The following FAT3 variants were observed in gnomAD, a reference collection of about 807,000 sequenced individuals.
FAT3 encodes the protein FAT atypical cadherin 3, also known as protocadherin Fat 3.
Under a neutral mutation model 310.2 loss-of-function variants are expected in FAT3, and 95 were observed. That is an observed-to-expected ratio of 0.31 (90% CI 0.26 to 0.36). The LOEUF is 0.36. Ranked by LOEUF, FAT3 falls within the 10% of genes least tolerant of loss-of-function variation. FAT3 has a pLI of 1.00. For synonymous variants in FAT3, 2,314 were observed against 2,192.9 expected (o/e 1.06, Z -1.54); for missense variants, 5,408 against 5,715.6 (o/e 0.95, Z 1.74).
chr11:92,330,993 TGTGTGTGTGTGAGA>T (rs1325106084), intron 1 of FAT3, among the ~76,000 whole-genome samples: 30 of 125,426 alleles, frequency 2.4e-4, no homozygotes, highest in African/African-American at 1.3e-3. Context: ...TGTGTGTGTG[TGTGTGTGTGTGAGA>T]GAGAGAGAGA....
At position 92,354,093 on chromosome 11, in the gene FAT3, CT is replaced by C; in HGVS notation, c.1983del (p.Ala662GlnfsTer45). The C allele has an allele frequency of 6.2e-7, 1 of 1,613,714 alleles. No homozygotes were observed. Among genetic ancestry groups the C allele is most frequent in the Non-Finnish European group, 8.5e-7 (1 of 1,179,788 alleles). ...AATTACAGCAACTGATGGAGAGAAT[CT>C]TGCAGACCCCATGTCTATTAACATT... ...LRITATDGEN[L>X]ADPMSINISV... On this transcript the variant is annotated frameshift_variant, in exon 2 of 28. Coordinates refer to ENST00000525166, the MANE Select transcript of FAT3 (RefSeq NM_001367949.2). LOFTEE classifies it high-confidence loss of function.
intron 13 of FAT3, 56 bp downstream of exon 13, chr11:92,810,132 C>A: frequency 1.3e-6 from 2 of 1,487,246 alleles, no homozygotes; most frequent in South Asian, 1.2e-5. Context: ...TCTTCAGGTG[C>A]TGCCATTCCT....
intron 2 of FAT3, among the ~76,000 whole-genome samples, chr11:92,357,169 A>G (rs977737230): frequency 3.3e-5 from 5 of 152,198 alleles, no homozygotes; most frequent in African/African-American, 1.2e-4. Flanking sequence ...TACTAATAAC[A>G]ATGAGTTCAT....
intron 3 of FAT3, among the ~76,000 whole-genome samples, chr11:92,553,726 T>TTC: frequency 6.7e-6 from 1 of 149,690 alleles, no homozygotes; most frequent in Non-Finnish European, 1.5e-5. Flanking sequence ...CCTTCCTTTT[T>TTC]CGTTGTTTCT....
intron 13 of FAT3, among the ~76,000 whole-genome samples, chr11:92,817,961 C>G (rs1408165650): frequency 6.6e-6 from 1 of 152,192 alleles, no homozygotes; most frequent in Non-Finnish European, 1.5e-5. Flanking sequence ...GATGCTGCAA[C>G]TCTAGTGGAA....
intron 2 of FAT3, among the ~76,000 whole-genome samples, chr11:92,497,807 C>A (rs1020017203): frequency 4.6e-5 from 7 of 152,014 alleles, no homozygotes; most frequent in African/African-American, 1.7e-4. Flanking sequence ...TACAGCCCAG[C>A]AATTAGATGG....
chr11:92,604,335 T>C (rs111727998), intron 3 of FAT3, among the ~76,000 whole-genome samples: 16 of 152,338 alleles, frequency 1.1e-4, no homozygotes, highest in African/African-American at 3.4e-4. Context: ...TGGAATAACC[T>C]TATAAACTTA....
At chr11:92,725,121 A>G (rs901784733) in intron 4 of FAT3, among the ~76,000 whole-genome samples, 2 of 152,224 alleles carry the variant, frequency 1.3e-5, no homozygotes, top group African/African-American at 4.8e-5. Flanking sequence ...CTGGTAAGCT[A>G]CCTACCAAAA....
In FAT3 at chr11:92,777,380, G is replaced by T. The variant is rs192187154; in HGVS notation, c.4335+3200G>T. ...TGTCCTATTCTCCCAACTCTCACAG[G>T]ATTCATGTGCCTCAGAGCTACAATA... On this transcript the variant is annotated intron_variant, in intron 7 of 27. Coordinates refer to ENST00000525166, the MANE Select transcript of FAT3 (RefSeq NM_001367949.2). Among the ~76,000 whole-genome samples, 5 of 152,186 alleles carry T rather than the reference G, an allele frequency of 3.3e-5. No individual in the cohort carries two copies. The East Asian group carries it at 7.7e-4, about 24-fold the overall frequency.
chr11:92,516,896 C>T (rs986497847), intron 2 of FAT3, among the ~76,000 whole-genome samples: 4 of 152,002 alleles, frequency 2.6e-5, no homozygotes, highest in Non-Finnish European at 4.4e-5. Flanking sequence ...ACAATTACTA[C>T]AAAGAGAATA....
Position 92,890,837 on chromosome 11 carries a change from A to G in FAT3, c.13494A>G (p.Pro4498=), listed in dbSNP as rs1285401254. 1.2e-6 allele frequency: 2 copies of G among 1,612,730 alleles called. No homozygotes were observed. Among genetic ancestry groups the G allele is most frequent in the South Asian group, 1.1e-5 (1 of 91,028 alleles). The change falls in exon 28 of 28, where the codon CCA becomes CCG. Residue 4498 remains proline (P), a synonymous_variant. Transcript: ENST00000525166. The stretch of plus-strand genomic sequence containing the variant: ...CTAGCCAGTATCTCCCTCCTCACCC[A>G]TTCCCCAACGAAACGGATTTGGTGG... ...FHPSQYLPPH[P]FPNETDLVGP... is the part of the protein sequence containing the mutation.
At chr11:92,432,621 C>T (rs905218512) in intron 2 of FAT3, among the ~76,000 whole-genome samples, 4 of 152,182 alleles carry the variant, frequency 2.6e-5, no homozygotes, top group Non-Finnish European at 5.9e-5. Context: ...ATGCTGCCTG[C>T]TCCTTCCTTT....
At chr11:92,538,079 T>A (rs1467311585) in intron 3 of FAT3, among the ~76,000 whole-genome samples, 1 of 152,192 alleles carries the variant, frequency 6.6e-6, no homozygotes, top group Non-Finnish European at 1.5e-5. Flanking sequence ...ATCTCCAGCA[T>A]GTATGTGAAT....
chr11:92,828,972 G>A (rs1175782623), intron 13 of FAT3, among the ~76,000 whole-genome samples: 2 of 152,200 alleles, frequency 1.3e-5, no homozygotes, highest in African/African-American at 4.8e-5. Flanking sequence ...CCTTGCTGCT[G>A]CGGAGAGCGG....
At chr11:92,556,503 C>G (rs922174836) in intron 3 of FAT3, among the ~76,000 whole-genome samples, 2 of 152,138 alleles carry the variant, frequency 1.3e-5, no homozygotes, top group African/African-American at 4.8e-5. Context: ...CTTTGGTTCT[C>G]TTTTTCTGTT....
intron 3 of FAT3, among the ~76,000 whole-genome samples, chr11:92,686,621 G>GT (rs538027826): frequency 5.9e-4 from 89 of 151,990 alleles, no homozygotes; most frequent in African/African-American, 1.9e-3. Context: ...AAATATGTGG[G>GT]TTTTTTTAAA....
chr11:92,332,240 T>C (rs1223015610), intron 1 of FAT3, among the ~76,000 whole-genome samples: 2 of 152,234 alleles, frequency 1.3e-5, no homozygotes, highest in African/African-American at 2.4e-5. Flanking sequence ...TTCCCACATC[T>C]GTGTTTTTAC....
At chr11:92,227,306 C>T (rs1458206) in intron 1 of FAT3, among the ~76,000 whole-genome samples, 44,376 of 152,062 alleles carry the variant, frequency 0.29, 6,965 homozygotes, top group Admixed American at 0.45. Flanking sequence ...AGCAGGCCTA[C>T]CAGTTCATCA....
chr11:92,554,839 C>G (rs572789944), intron 3 of FAT3, among the ~76,000 whole-genome samples: 99 of 152,282 alleles, frequency 6.5e-4, no homozygotes, highest in Middle Eastern at 3.4e-3. Context: ...CTGCGCTTGT[C>G]ACTACAGAAG....
Sources: allele counts gnomAD v4.1 joint callset (sites outside exome capture counted in the v4.1 genomes callset), GRCh38; gene constraint gnomAD v4.1.1; transcripts MANE v1.5; gene names NCBI Gene and HGNC (gene_info 2026-07-23, HGNC 2026-07-21).